Variants in CTNNBL1 observed in about 807,000 individuals in gnomAD.
CTNNBL1 encodes beta-catenin-like protein 1.
In CTNNBL1, 31 loss-of-function variants were observed where a neutral mutation model predicts 72.7. That is an observed-to-expected ratio of 0.43 (90% CI 0.32 to 0.58). The LOEUF is 0.58. Among genes scored for constraint, CTNNBL1 ranks in the 20% least tolerant of loss-of-function variants. CTNNBL1 has a pLI of 0.08. For missense variants in CTNNBL1, 534 were observed against 725.1 expected (o/e 0.74, Z 3.03); for synonymous variants, 240 against 267.3 (o/e 0.90, Z 1.00).
intron 3 of CTNNBL1, among the ~76,000 whole-genome samples, chr20:37,743,212 A>G: frequency 6.6e-6 from 1 of 151,934 alleles, no homozygotes; most frequent in East Asian, 1.9e-4. Context: ...GTGAACTGGA[A>G]AAACCTTTTG....
intron 10 of CTNNBL1, among the ~76,000 whole-genome samples, chr20:37,783,320 A>C (rs941373652): frequency 1.3e-5 from 2 of 151,854 alleles, no homozygotes; most frequent in African/African-American, 4.8e-5. Flanking sequence ...CCTAACTTTT[A>C]ATTTTGTTGA....
At chr20:37,724,374 T>C (rs1186353562) in intron 1 of CTNNBL1, among the ~76,000 whole-genome samples, 2 of 152,196 alleles carry the variant, frequency 1.3e-5, no homozygotes, top group Admixed American at 6.5e-5. Context: ...GTAATTTTTT[T>C]TTTAAATGTG....
intron 1 of CTNNBL1, among the ~76,000 whole-genome samples, chr20:37,724,782 A>G (rs527476955): frequency 3.3e-4 from 51 of 152,344 alleles, no homozygotes; most frequent in Non-Finnish European, 5.7e-4. Flanking sequence ...CAATGTGGAC[A>G]TTAAAACACA....
intron 7 of CTNNBL1, among the ~76,000 whole-genome samples, chr20:37,774,747 A>G (rs1488129679): frequency 2.0e-5 from 3 of 152,200 alleles, no homozygotes; most frequent in Non-Finnish European, 4.4e-5. Flanking sequence ...GGCCAGTCTC[A>G]TAGCTGGTAA....
intron 2 of CTNNBL1, 138 bp downstream of exon 2, chr20:37,733,205 G>C: frequency 1.3e-6 from 1 of 744,542 alleles, no homozygotes; most frequent in Non-Finnish European, 2.2e-6. Flanking sequence ...TCGCGTTAAT[G>C]TGAAGGTTAA....
chr20:37,816,494 G>A (rs1335315113), intron 11 of CTNNBL1, among the ~76,000 whole-genome samples: 1 of 152,142 alleles, frequency 6.6e-6, no homozygotes, highest in Non-Finnish European at 1.5e-5. Context: ...CTGAACCTCA[G>A]TTTCCTCACC....
intron 11 of CTNNBL1, among the ~76,000 whole-genome samples, chr20:37,820,580 G>GTGATT (rs1272252528): frequency 6.6e-6 from 1 of 151,992 alleles, no homozygotes; most frequent in African/African-American, 2.4e-5. Flanking sequence ...TTGGATCTTG[G>GTGATT]GGCCAGTTTC....
rs143496154 is a variant in CTNNBL1, at chr20:37,837,458, G to A, written c.1214-2644G>A. 6.4e-4 allele frequency among the ~76,000 whole-genome samples: 98 copies of A among 152,244 alleles called. 1 individual carries two copies. Among genetic ancestry groups the A allele is most frequent in the African/African-American group, 2.2e-3 (93 of 41,534 alleles). Reference sequence around the variant, plus strand: ...GTCCACAGCATATTTTAAGAAAAATGTTATATTTTCAATACCTAAAAAAAT... The same window carrying A: ...GTCCACAGCATATTTTAAGAAAAATATTATATTTTCAATACCTAAAAAAAT... On this transcript the variant is annotated intron_variant, in intron 11 of 15. Transcript: ENST00000361383.
chr20:37,823,909 A>G (rs1055326694), intron 11 of CTNNBL1, among the ~76,000 whole-genome samples: 1 of 152,230 alleles, frequency 6.6e-6, no homozygotes, highest in South Asian at 2.1e-4. Context: ...GTGAGAAGAC[A>G]GTGAGCAAAC....
At chr20:37,790,723 G>T (rs1372182193) in intron 10 of CTNNBL1, among the ~76,000 whole-genome samples, 1 of 152,174 alleles carries the variant, frequency 6.6e-6, no homozygotes, top group African/African-American at 2.4e-5. Context: ...GTGGTGTAAG[G>T]CCTGTCTGAG....
chr20:37,698,096 A>G (rs2072808724), intron 1 of CTNNBL1, among the ~76,000 whole-genome samples: 1 of 152,066 alleles, frequency 6.6e-6, no homozygotes, highest in African/African-American at 2.4e-5. Flanking sequence ...TGGCCTTTAC[A>G]TTTTCTATTG....
chr20:37,766,885 A>T (rs899535831), intron 6 of CTNNBL1, among the ~76,000 whole-genome samples: 1 of 152,238 alleles, frequency 6.6e-6, no homozygotes, highest in Admixed American at 6.5e-5. Flanking sequence ...GGATAAAGTC[A>T]TGGAAGATTA....
intron 10 of CTNNBL1, among the ~76,000 whole-genome samples, chr20:37,781,369 A>G (rs1034953492): frequency 5.9e-5 from 9 of 152,188 alleles, no homozygotes; most frequent in Non-Finnish European, 1.0e-4. Context: ...TTTCTGCAGC[A>G]TATGGCTAGG....
intron 7 of CTNNBL1, among the ~76,000 whole-genome samples, chr20:37,774,503 G>A (rs2073556835): frequency 6.6e-6 from 1 of 152,136 alleles, no homozygotes; most frequent in Admixed American, 6.5e-5. Flanking sequence ...CTTCCTTCAT[G>A]CCAATTTCTC....
chr20:37,790,351 C>A (rs1208443945), intron 10 of CTNNBL1, among the ~76,000 whole-genome samples: 1 of 152,120 alleles, frequency 6.6e-6, no homozygotes, highest in African/African-American at 2.4e-5. Flanking sequence ...GAACTAGAGT[C>A]TTTTCTTCTA....
rs2073587115 is a variant in CTNNBL1 at position 37,777,557 on chromosome 20, T to C, written c.824-97T>C. On this transcript the variant is annotated intron_variant, in intron 8 of 15. Coordinates refer to ENST00000361383, the MANE Select transcript of CTNNBL1 (RefSeq NM_030877.5). ...GTGCTGCTTTTGTACTCTGTCAAGC[T>C]GTATTGATTTTGTTTGCTGATGTAT... 2.9e-6 allele frequency: 4 copies of C among 1,397,990 alleles called. No individual in the cohort carries two copies. The Admixed American group carries it at 5.1e-5, about 18-fold the overall frequency. 86.6% of individuals were successfully genotyped at this position (1,397,990 alleles called of 1,614,324 possible). A position where few individuals can be genotyped will look rare whatever the true frequency, so the allele number is the denominator to read the frequency against.
chr20:37,798,126 T>C (rs1028432229), intron 10 of CTNNBL1, among the ~76,000 whole-genome samples: 10 of 152,188 alleles, frequency 6.6e-5, no homozygotes, highest in African/African-American at 2.2e-4. Context: ...TTGGAAGCAA[T>C]GAGCTGTGCC....
intron 10 of CTNNBL1, among the ~76,000 whole-genome samples, chr20:37,779,782 A>C (rs2073609923): frequency 6.6e-6 from 1 of 152,202 alleles, no homozygotes; most frequent in South Asian, 2.1e-4. Context: ...TGAGTTGTAC[A>C]TGTGCTGTAT....
chr20:37,812,588 G>C (rs2072021859), intron 11 of CTNNBL1, among the ~76,000 whole-genome samples: 1 of 152,160 alleles, frequency 6.6e-6, no homozygotes, highest in South Asian at 2.1e-4. Context: ...CCTTGCAGAG[G>C]GTCTATTTCT....
Sources: allele counts gnomAD v4.1 joint callset (sites outside exome capture counted in the v4.1 genomes callset), GRCh38; gene constraint gnomAD v4.1.1; transcripts MANE v1.5; gene names NCBI Gene and HGNC (gene_info 2026-07-23, HGNC 2026-07-21).